The following DGKZ variants were observed in gnomAD, a reference collection of about 807,000 sequenced individuals.
DGKZ encodes the protein DAG kinase zeta.
DGKZ carries 45 observed loss-of-function variants against 142.5 expected under a neutral mutation model. The ratio of observed to expected loss-of-function variants is 0.32; its 90% CI spans 0.25 to 0.40. DGKZ has a LOEUF of 0.40. Among genes scored for constraint, DGKZ ranks in the 10% least tolerant of loss-of-function variants. The pLI, the probability that DGKZ is intolerant of heterozygous loss-of-function variation, is 1.00. For missense variants in DGKZ, 755 were observed against 1,306.5 expected (o/e 0.58, Z 6.51); for synonymous variants, 442 against 527.0 (o/e 0.84, Z 2.21).
intron 9 of DGKZ, 58 bp downstream of exon 9, chr11:46,371,833 A>G: frequency 6.4e-7 from 1 of 1,562,372 alleles, no homozygotes; most frequent in African/African-American, 1.4e-5. Flanking sequence ...TCTGTTGCTC[A>G]GGGTACAGAA....
At chr11:46,378,809 G>A in intron 27 of DGKZ, 182 bp from the exon 28 acceptor site, 1 of 1,062,580 alleles carries the variant, frequency 9.4e-7, no homozygotes, top group Non-Finnish European at 1.4e-6. Flanking sequence ...ACAGGCTGTG[G>A]GGTGAGAGGC....
At chr11:46,360,028 A>G (rs1024425737) in intron 1 of DGKZ, among the ~76,000 whole-genome samples, 1 of 152,170 alleles carries the variant, frequency 6.6e-6, no homozygotes, top group Non-Finnish European at 1.5e-5. Flanking sequence ...GCTGTTAAAG[A>G]TATTCCTTCT....
intron 15 of DGKZ, 58 bp from the exon 16 acceptor site, chr11:46,374,341 A>G (rs1944305845): frequency 6.2e-7 from 1 of 1,612,576 alleles, no homozygotes; most frequent in East Asian, 2.2e-5. Flanking sequence ...GCCCTCCCCC[A>G]ACCCCACCTG....
At chr11:46,376,125 C>T (rs755143793) in exon 22 of DGKZ, 5 of 1,611,178 alleles carry the variant, frequency 3.1e-6, no homozygotes, top group Non-Finnish European at 3.4e-6. Context: ...CTGCCGTGCC[C>T]ACATTGAGAG....
chr11:46,374,312 A>G, intron 15 of DGKZ, 77 bp downstream of exon 15: 1 of 1,612,250 alleles, frequency 6.2e-7, no homozygotes, highest in Non-Finnish European at 8.5e-7. Context: ...TGCTCCCGCC[A>G]GTGAAGGCAT....
At chr11:46,352,573 G>A (rs1012131597) in intron 1 of DGKZ, among the ~76,000 whole-genome samples, 2 of 152,064 alleles carry the variant, frequency 1.3e-5, no homozygotes, top group Non-Finnish European at 2.9e-5. Context: ...TGGGACTCCC[G>A]CGCTGGGCTT....
In DGKZ at chr11:46,367,198, C is replaced by T. The variant is rs113213596; in HGVS notation, c.162-93C>T. ...GAGGCTCCTCCGCCCTCCCTGTTGCCGAGGTCACGGAAAGGGCAGAGGCCC... is the reference window on the plus strand; with the variant it reads ...GAGGCTCCTCCGCCCTCCCTGTTGCTGAGGTCACGGAAAGGGCAGAGGCCC... On this transcript the variant is annotated intron_variant, in intron 1 of 30. Coordinates refer to ENST00000527911, the Ensembl canonical transcript of DGKZ. This position sits in a 1 kb window ranked among gnomAD's most constrained non-coding sequence, Gnocchi z 4.1. 11 of 1,339,362 alleles carry T rather than the reference C, an allele frequency of 8.2e-6. No individual in the cohort carries two copies. In the East Asian group the frequency reaches 1.0e-4, roughly 12 times the overall value. 83.0% of individuals were successfully genotyped at this position (1,339,362 alleles called of 1,614,324 possible).
rs769254198 is a variant in DGKZ, at chr11:46,367,827, C to T, written c.366+80C>T. 26 of 1,573,866 alleles carry T rather than the reference C, an allele frequency of 1.7e-5. No individual in the cohort carries two copies. Among genetic ancestry groups the T allele is most frequent in the South Asian group, 2.2e-5 (2 of 89,840 alleles). ...CCTTCCGGGAACGTGGGATTGAGCC[C>T]GCTCCCTGGCACCCCTGCTGTGGGC... is the stretch of plus-strand genomic sequence containing the variant. On this transcript the variant is annotated intron_variant, in intron 3 of 30. Transcript: ENST00000527911. The surrounding 1 kb of genome is among the most constrained non-coding windows in gnomAD (Gnocchi z 4.1).
chr11:46,354,723 A>G (rs1941799712), intron 1 of DGKZ, among the ~76,000 whole-genome samples: 1 of 152,168 alleles, frequency 6.6e-6, no homozygotes, highest in Non-Finnish European at 1.5e-5. Flanking sequence ...TGTTTTTAAA[A>G]TTGTCCTACA....
At chr11:46,369,354 G>A (rs555304614) in intron 4 of DGKZ, 140 bp from the exon 5 acceptor site, 30 of 913,262 alleles carry the variant, frequency 3.3e-5, no homozygotes, top group African/African-American at 6.5e-5. Flanking sequence ...GAGGTGTCTC[G>A]TGTTTCAAGG....
At chr11:46,373,187 G>T (rs1468362699) in intron 14 of DGKZ, 86 bp downstream of exon 14, 233 of 1,433,326 alleles carry the variant, frequency 1.6e-4, no homozygotes, top group Non-Finnish European at 2.1e-4. Context: ...GGGACCTCGG[G>T]CGTGTCTCTT....
intron 1 of DGKZ, among the ~76,000 whole-genome samples, chr11:46,336,008 T>C (rs1939994767): frequency 6.6e-6 from 1 of 152,212 alleles, no homozygotes; most frequent in South Asian, 2.1e-4. Flanking sequence ...CCTACCCTGC[T>C]GTGCGGAGTT....
Position 46,347,694 on chromosome 11 carries a change from G to C in DGKZ, c.35G>C (p.Ser12Thr). 1 of 1,456,166 alleles carries C rather than the reference G, an allele frequency of 6.9e-7. No individual in the cohort carries two copies. Among genetic ancestry groups the C allele is most frequent in the Non-Finnish European group, 9.0e-7 (1 of 1,108,710 alleles). 90.2% of individuals were successfully genotyped at this position (1,456,166 alleles called of 1,614,324 possible). The change falls in exon 1 of 31, where the codon AGC becomes ACC. Residue 12 changes from serine (S) to threonine (T), a missense_variant. Physicochemically the swap from Ser to Thr is moderately conservative, Grantham distance 58 (BLOSUM62 1). Around this residue, in one of 8 missense-constraint regions of DGKZ, gnomAD observed 28 missense variants for 92.8 expected, o/e 0.30. Coordinates refer to ENST00000527911, the Ensembl canonical transcript of DGKZ. This position sits in a 1 kb window ranked among gnomAD's most constrained non-coding sequence, Gnocchi z 6.4. The stretch of plus-strand genomic sequence containing the variant: ...CGGGACGGTAGCCCCGAGGCCCGGA[G>C]CAGCGACTCCGAGTCGGCTTCCGCC...
intron 1 of DGKZ, among the ~76,000 whole-genome samples, chr11:46,341,107 C>A (rs1040790540): frequency 2.0e-5 from 3 of 152,200 alleles, no homozygotes; most frequent in Non-Finnish European, 4.4e-5. Flanking sequence ...GAGATCATGC[C>A]ACTGCACTCC....
intron 1 of DGKZ, among the ~76,000 whole-genome samples, chr11:46,362,619 A>G (rs138675195): frequency 5.6e-4 from 86 of 152,284 alleles, no homozygotes; most frequent in African/African-American, 1.9e-3. Context: ...TGTGAGCTCC[A>G]TTTTGCAGAT....
chr11:46,366,238 C>T (rs1248799247), intron 1 of DGKZ: 2 of 1,556,310 alleles, frequency 1.3e-6, no homozygotes, highest in East Asian at 4.5e-5. Context: ...TCTCTGTGCC[C>T]AACAGCCAAC....
chr11:46,340,809 C>G (rs940307774), intron 1 of DGKZ, among the ~76,000 whole-genome samples: 1 of 152,198 alleles, frequency 6.6e-6, no homozygotes, highest in African/African-American at 2.4e-5. Context: ...TCAGCAGGTG[C>G]CCAGATCACA....
exon 6 of DGKZ, chr11:46,369,943 A>C: frequency 6.2e-7 from 1 of 1,613,258 alleles, no homozygotes; most frequent in African/African-American, 1.3e-5. Context: ...TCCCCCAGCC[A>C]ACCTTTGTAC....
intron 30 of DGKZ, 111 bp downstream of exon 30, chr11:46,379,679 C>A (rs1944998627): frequency 7.8e-7 from 1 of 1,289,434 alleles, no homozygotes; most frequent in Non-Finnish European, 1.1e-6. Context: ...AGTCCAGACC[C>A]TGGGAAACCT....
Sources: gnomAD v4.1 joint callset for allele counts (sites outside exome capture counted in the v4.1 genomes callset) on GRCh38, gnomAD v4.1.1 for gene constraint, gnomAD v4.1.1 regional missense constraint, Gnocchi (gnomAD v3.1) non-coding constraint, MANE v1.5 for transcripts, NCBI Gene and HGNC (gene_info 2026-07-23, HGNC 2026-07-21) for gene names.